The following TPCN1 variants were observed in gnomAD, a reference collection of about 807,000 sequenced individuals.
The protein encoded by TPCN1 is two pore segment channel 1, also known as two pore channel protein 1.
Under a neutral mutation model 108.8 loss-of-function variants are expected in TPCN1, and 52 were observed. That is an observed-to-expected ratio of 0.48 (90% CI 0.38 to 0.60). The LOEUF is 0.60. TPCN1 is among the 20% of genes least tolerant of loss of function. The probability of loss-of-function intolerance (pLI) is 0.00; values close to 1 mark genes in which losing one functional copy is unlikely to be tolerated. For synonymous variants in TPCN1, 446 were observed against 433.7 expected, an observed-to-expected ratio of 1.03 and a Z score of -0.35; for missense variants, 806 against 1,072.8, an observed-to-expected ratio of 0.75 and a Z score of 3.47.
At chr12:113,256,610 A>G (rs986741826) in intron 2 of TPCN1, among the ~76,000 whole-genome samples, 1 of 152,152 alleles carries the variant, frequency 6.6e-6, no homozygotes, top group Non-Finnish European at 1.5e-5. Flanking sequence ...GCTGGCTTGA[A>G]CTACTGGGCT....
chr12:113,228,680 GTTA>G (rs776309542), intron 2 of TPCN1, among the ~76,000 whole-genome samples: 7 of 152,178 alleles, frequency 4.6e-5, no homozygotes, highest in Non-Finnish European at 8.8e-5. Context: ...ATATAGGGTT[GTTA>G]TTATTATCTG....
intron 27 of TPCN1, among the ~76,000 whole-genome samples, chr12:113,295,681 A>C (rs1280001266): frequency 6.6e-6 from 1 of 152,184 alleles, no homozygotes; most frequent in Admixed American, 6.5e-5. Context: ...TATGCTCACA[A>C]ACAAGGGGTG....
rs1456024715 is a variant in TPCN1, at chr12:113,293,048, C to A, written c.2228C>A (p.Thr743Asn). ...ASSDVTRLLE[T>N]LSQMERYQQH... ...TCGGATGTCACCAGGCTGCTGGAGACCCTCTCCCAGATGGAGAGATACCAG... is the reference window on the plus strand; with the variant it reads ...TCGGATGTCACCAGGCTGCTGGAGAACCTCTCCCAGATGGAGAGATACCAG... Residue 743 changes from threonine (T) to asparagine (N), a missense_variant, in exon 26 of 28, where the codon ACC becomes AAC. Physicochemically the swap from Thr to Asn is moderately conservative, Grantham distance 65 (BLOSUM62 0). Coordinates refer to ENST00000335509, the MANE Select transcript of TPCN1 (RefSeq NM_017901.6). 3 of 1,612,674 alleles carry A rather than the reference C, an allele frequency of 1.9e-6. No homozygotes were observed. Among genetic ancestry groups the A allele is most frequent in the Non-Finnish European group, 2.5e-6 (3 of 1,179,786 alleles).
At chr12:113,263,244 A>G (rs1235575022) in intron 3 of TPCN1, among the ~76,000 whole-genome samples, 1 of 152,160 alleles carries the variant, frequency 6.6e-6, no homozygotes, top group Non-Finnish European at 1.5e-5. Flanking sequence ...ACAGTCATTC[A>G]CGGCTGTTTC....
chr12:113,279,915 C>G (rs1481195610), intron 14 of TPCN1, among the ~76,000 whole-genome samples: 4 of 152,110 alleles, frequency 2.6e-5, no homozygotes, highest in Non-Finnish European at 5.9e-5. Flanking sequence ...CAGGCTCCCC[C>G]CAGAGCAGCT....
rs138144768 is a variant in TPCN1 at position 113,278,875 on chromosome 12, G to T, written c.1297+40G>T. On this transcript the variant is annotated intron_variant, in intron 14 of 27. Coordinates refer to ENST00000335509, the MANE Select transcript of TPCN1 (RefSeq NM_017901.6). ...GTATGGCAGGTGTTGGCAGCTGGGGGCCGATGGAGGTTTTCAGAGACCACA... is the reference window on the plus strand; with the variant it reads ...GTATGGCAGGTGTTGGCAGCTGGGGTCCGATGGAGGTTTTCAGAGACCACA... 3 of 1,587,544 alleles carry T rather than the reference G, an allele frequency of 1.9e-6. No homozygotes were observed. The Admixed American group carries it at 5.0e-5, about 26-fold the overall frequency.
intron 27 of TPCN1, 141 bp downstream of exon 27, chr12:113,293,490 T>TCCCACACAACCCCAGCAG: frequency 2.4e-6 from 2 of 840,436 alleles, no homozygotes; most frequent in Non-Finnish European, 3.9e-6. Context: ...ACTGCTGGGG[T>TCCCACACAACCCCAGCAG]TGTGTGGGAC....
intron 2 of TPCN1, among the ~76,000 whole-genome samples, chr12:113,236,882 T>C (rs777762577): frequency 1.3e-5 from 2 of 152,164 alleles, no homozygotes; most frequent in Non-Finnish European, 2.9e-5. Context: ...TTATACAAGA[T>C]AGCATGCCTC....
chr12:113,286,469 G>T (rs775427757), intron 18 of TPCN1, among the ~76,000 whole-genome samples: 1 of 128,634 alleles, frequency 7.8e-6, no homozygotes, highest in African/African-American at 2.8e-5. Flanking sequence ...GGGAGGAGCC[G>T]ACAGCACGTG....
chr12:113,277,393 A>G (rs1192415118), intron 12 of TPCN1, 29 bp downstream of exon 12: 2 of 1,613,582 alleles, frequency 1.2e-6, no homozygotes, highest in African/African-American at 2.7e-5. Context: ...TAGGGGCAGC[A>G]TGGCCAGACA....
intron 7 of TPCN1, among the ~76,000 whole-genome samples, chr12:113,270,202 C>CA (rs562040991): frequency 5.0e-4 from 69 of 138,868 alleles, no homozygotes; most frequent in East Asian, 2.0e-3. Context: ...GACTTTGTCT[C>CA]AAAAAAAAAA....
chr12:113,248,852 C>G (rs774085860), intron 2 of TPCN1, among the ~76,000 whole-genome samples: 13 of 152,212 alleles, frequency 8.5e-5, no homozygotes, highest in Non-Finnish European at 1.0e-4. Flanking sequence ...TAGAGGATTT[C>G]TCTGACTGGT....
rs915607923 is a variant in TPCN1 at position 113,296,374 on chromosome 12, C to T, written c.*298C>T. On this transcript the variant is annotated 3_prime_UTR_variant, in exon 28 of 28. Coordinates refer to ENST00000335509, the MANE Select transcript of TPCN1 (RefSeq NM_017901.6). ...CCCCTCACCTGGATCCAGTCGACTG[C>T]GGGGCTTGCCCCTCATGTGGGCTGG... The T allele has an allele frequency of 8.5e-5, 31 of 364,310 alleles. No individual in the cohort carries two copies. In the Middle Eastern group the frequency reaches 3.1e-3, roughly 36 times the overall value. 22.6% of individuals were successfully genotyped at this position (364,310 alleles called of 1,614,324 possible). A position where few individuals can be genotyped will look rare whatever the true frequency, so the allele number is the denominator to read the frequency against.
At chr12:113,221,928 C>T (rs1415693789) in intron 1 of TPCN1, among the ~76,000 whole-genome samples, 1 of 152,212 alleles carries the variant, frequency 6.6e-6, no homozygotes, top group Non-Finnish European at 1.5e-5. Context: ...CCCTCCCTCG[C>T]TCTTCTCCCT....
chr12:113,251,242 A>T (rs1954619535), intron 2 of TPCN1, among the ~76,000 whole-genome samples: 1 of 152,210 alleles, frequency 6.6e-6, no homozygotes, highest in Admixed American at 6.5e-5. Context: ...TTGAGGCTGC[A>T]GTGAGCCATG....
At chr12:113,245,886 T>C in intron 2 of TPCN1, 1 of 449,860 alleles carries the variant, frequency 2.2e-6, no homozygotes, top group South Asian at 1.6e-5. Context: ...ATATGGAAAC[T>C]GTTTCTATTT....
Position 113,266,611 on chromosome 12 carries a change from T to G in TPCN1, c.414+255T>G. Among the ~76,000 whole-genome samples, 1 of 152,114 alleles carries G rather than the reference T, an allele frequency of 6.6e-6. No homozygotes were observed. Among genetic ancestry groups the G allele is most frequent in the East Asian group, 1.9e-4 (1 of 5,180 alleles). ...GGAGGGGAAGTGTCCCAGGCCCTGC[T>G]CAGGACCAGTGCCCACACCTTGGCT... On this transcript the variant is annotated intron_variant, in intron 4 of 27. Transcript: ENST00000335509. This position sits in a 1 kb window ranked among gnomAD's most constrained non-coding sequence, Gnocchi z 4.2.
At chr12:113,267,022 C>T (rs540423740) in intron 4 of TPCN1, among the ~76,000 whole-genome samples, 10 of 152,190 alleles carry the variant, frequency 6.6e-5, no homozygotes, top group Non-Finnish European at 1.5e-4. Flanking sequence ...TCCCCCATGC[C>T]GTCACCTGTG....
At chr12:113,247,135 G>A (rs1194039857) in intron 2 of TPCN1, among the ~76,000 whole-genome samples, 1 of 152,208 alleles carries the variant, frequency 6.6e-6, no homozygotes, top group East Asian at 1.9e-4. Flanking sequence ...CTTCAGTGGG[G>A]CAGAGTGTCC....
Sources: gnomAD v4.1 joint callset for allele counts (sites outside exome capture counted in the v4.1 genomes callset) on GRCh38, gnomAD v4.1.1 for gene constraint, Gnocchi (gnomAD v3.1) non-coding constraint, MANE v1.5 for transcripts, NCBI Gene and HGNC (gene_info 2026-07-23, HGNC 2026-07-21) for gene names.